EYA1: variants seen among roughly 807,000 people sequenced by gnomAD.
EYA1 encodes EYA transcriptional coactivator and phosphatase 1.
In EYA1, 16 loss-of-function variants were observed where a neutral mutation model predicts 82.0. That is an observed-to-expected ratio of 0.20 (90% CI 0.13 to 0.30). The LOEUF is 0.30. Ranked by LOEUF, EYA1 falls within the 10% of genes least tolerant of loss-of-function variation. EYA1 has a pLI of 1.00. For missense variants in EYA1, 633 were observed against 730.7 expected (o/e 0.87, Z 1.54); for synonymous variants, 261 against 264.4 (o/e 0.99, Z 0.12).
intron 2 of EYA1, among the ~76,000 whole-genome samples, chr8:71,494,486 A>G (rs1019291844): frequency 6.6e-6 from 1 of 152,224 alleles, no homozygotes; most frequent in African/African-American, 2.4e-5. Context: ...TTATGCATTC[A>G]TATTACTCTT....
At chr8:71,364,213 T>TA (rs1353711712), upstream of EYA1, among the ~76,000 whole-genome samples, 1 of 151,976 alleles carries the variant, frequency 6.6e-6, no homozygotes, top group Non-Finnish European at 1.5e-5. Context: ...AGTCACTGAC[T>TA]AAAAGTAATA....
chr8:71,293,297 C>A (rs1243278591), intron 9 of EYA1, among the ~76,000 whole-genome samples: 1 of 152,090 alleles, frequency 6.6e-6, no homozygotes, highest in Non-Finnish European at 1.5e-5. Flanking sequence ...AACAATTAAT[C>A]TTTCAAAACA....
intron 2 of EYA1, among the ~76,000 whole-genome samples, chr8:71,437,470 C>T (rs1309329124): frequency 6.6e-6 from 1 of 151,886 alleles, no homozygotes; most frequent in Non-Finnish European, 1.5e-5. Flanking sequence ...TCACACATAG[C>T]TCTTAGGTTT....
chr8:71,548,064 C>T (rs1364504273), exon 1 of EYA1: 1 of 152,232 alleles, frequency 6.6e-6, no homozygotes, highest in Non-Finnish European at 1.5e-5. Context: ...CCTGTGCCTC[C>T]GGGTCGAGGG....
upstream of EYA1, among the ~76,000 whole-genome samples, chr8:71,366,674 C>T (rs1308709688): frequency 6.6e-6 from 1 of 152,212 alleles, no homozygotes; most frequent in East Asian, 1.9e-4. Flanking sequence ...GTGCTTACTA[C>T]ATGCCAGGCA....
chr8:71,266,029 G>A (rs1183812787), intron 11 of EYA1, among the ~76,000 whole-genome samples: 1 of 152,132 alleles, frequency 6.6e-6, no homozygotes, highest in Non-Finnish European at 1.5e-5. Context: ...GGTACACATT[G>A]CTGTAACATG....
At chr8:71,279,543 C>T (rs970228662) in intron 9 of EYA1, among the ~76,000 whole-genome samples, 5 of 152,212 alleles carry the variant, frequency 3.3e-5, no homozygotes, top group African/African-American at 9.6e-5. Context: ...GAATCATATA[C>T]ATCCATTGGG....
At chr8:71,335,085 T>A (rs1458742637) in intron 3 of EYA1, among the ~76,000 whole-genome samples, 1 of 152,218 alleles carries the variant, frequency 6.6e-6, no homozygotes, top group Admixed American at 6.5e-5. Flanking sequence ...AGTGCCATCA[T>A]CAGAATTTGC....
chr8:71,245,570 T>C (rs915860732), intron 11 of EYA1, among the ~76,000 whole-genome samples: 4 of 151,338 alleles, frequency 2.6e-5, no homozygotes, highest in African/African-American at 4.9e-5. Flanking sequence ...CTAACATTAG[T>C]GTTAGTGTAT....
At chr8:71,355,869 A>C (rs1369344669) in intron 2 of EYA1, among the ~76,000 whole-genome samples, 4 of 152,212 alleles carry the variant, frequency 2.6e-5, no homozygotes, top group African/African-American at 9.6e-5. Context: ...GAATTTATTT[A>C]AAGTCACTAA....
At chr8:71,525,867 A>C (rs1813777013) in intron 2 of EYA1, among the ~76,000 whole-genome samples, 1 of 152,222 alleles carries the variant, frequency 6.6e-6, no homozygotes, top group Admixed American at 6.5e-5. Flanking sequence ...CCTTGGCTCC[A>C]GGCAATTGTA....
Position 71,395,925 on chromosome 8 carries a change from C to A in EYA1, c.34-39414G>T, listed in dbSNP as rs967253744. ...GGCTGTGAATCCATGTGATCCTGGA[C>A]TTTTTTTGGTTGGTAGGCTATTAAT... On this transcript the variant is annotated intron_variant, in intron 2 of 18. Coordinates refer to the EYA1 transcript ENST00000643681. Among the ~76,000 whole-genome samples, 4 of 152,120 alleles carry A rather than the reference C, an allele frequency of 2.6e-5. No individual in the cohort carries two copies. In the East Asian group the frequency reaches 7.7e-4, roughly 29 times the overall value.
intron 1 of EYA1, among the ~76,000 whole-genome samples, chr8:71,540,302 A>G (rs1460776329): frequency 2.0e-5 from 3 of 152,204 alleles, no homozygotes; most frequent in African/African-American, 7.2e-5. Flanking sequence ...CACTCTATAC[A>G]GACCCATCAT....
chr8:71,216,896 T>C (rs370710401), intron 13 of EYA1, 44 bp from the exon 14 acceptor site: 2 of 1,612,792 alleles, frequency 1.2e-6, no homozygotes, highest in African/African-American at 1.3e-5. Flanking sequence ...GAACAGAAAG[T>C]CCATCTTAAT....
At chr8:71,290,926 G>A (rs1486611286) in intron 9 of EYA1, among the ~76,000 whole-genome samples, 2 of 152,100 alleles carry the variant, frequency 1.3e-5, no homozygotes, top group Non-Finnish European at 2.9e-5. Flanking sequence ...ACAAATATTT[G>A]TTTTGCCGAC....
chr8:71,381,962 G>A (rs1457713111), intron 2 of EYA1, among the ~76,000 whole-genome samples: 1 of 152,168 alleles, frequency 6.6e-6, no homozygotes, highest in African/African-American at 2.4e-5. Context: ...AATGCCTGAG[G>A]CACTTAAAAA....
intron 2 of EYA1, among the ~76,000 whole-genome samples, chr8:71,467,168 T>A (rs1385242083): frequency 2.0e-5 from 3 of 151,992 alleles, no homozygotes; most frequent in Non-Finnish European, 2.9e-5. Context: ...TATGTTAAAA[T>A]ATATATATAC....
chr8:71,412,454 C>G (rs1830657294), intron 2 of EYA1, among the ~76,000 whole-genome samples: 1 of 151,414 alleles, frequency 6.6e-6, no homozygotes, highest in Non-Finnish European at 1.5e-5. Flanking sequence ...GTTCATTTAT[C>G]TTAGATGCAA....
chr8:71,329,084 T>C (rs1020317114), intron 4 of EYA1, among the ~76,000 whole-genome samples: 1 of 152,166 alleles, frequency 6.6e-6, no homozygotes, highest in Non-Finnish European at 1.5e-5. Context: ...TAAGTAGTGA[T>C]GAAGGGTGCG....
Sources: gnomAD v4.1 joint callset for allele counts (sites outside exome capture counted in the v4.1 genomes callset) on GRCh38, gnomAD v4.1.1 for gene constraint, MANE v1.5 for transcripts, NCBI Gene and HGNC (gene_info 2026-07-23, HGNC 2026-07-21) for gene names.